UNC5D: variants seen among roughly 807,000 people sequenced by gnomAD.
The protein encoded by UNC5D is netrin receptor UNC5D.
Under a neutral mutation model 105.4 loss-of-function variants are expected in UNC5D, and 39 were observed. The ratio of observed to expected loss-of-function variants is 0.37; its 90% CI spans 0.29 to 0.48. The LOEUF (loss-of-function observed/expected upper bound fraction) is 0.48. Ranked by LOEUF, UNC5D falls within the 20% of genes least tolerant of loss-of-function variation. UNC5D has a pLI of 0.98. For synonymous variants in UNC5D, 452 were observed against 450.4 expected (o/e 1.00, Z -0.04); for missense variants, 991 against 1,202.4 (o/e 0.82, Z 2.60).
At chr8:35,679,569 G>A (rs1457859307) in intron 4 of UNC5D, among the ~76,000 whole-genome samples, 2 of 152,164 alleles carry the variant, frequency 1.3e-5, no homozygotes, top group Non-Finnish European at 2.9e-5. Context: ...GAGGGTGCTA[G>A]AACCCCCATA....
intron 8 of UNC5D, among the ~76,000 whole-genome samples, chr8:35,719,242 G>C (rs1828433604): frequency 6.6e-6 from 1 of 151,242 alleles, no homozygotes; most frequent in Non-Finnish European, 1.5e-5. Context: ...ACTAAACCTT[G>C]GGGCCAGTAC....
chr8:35,628,887 A>G (rs551745078), intron 4 of UNC5D, among the ~76,000 whole-genome samples: 51 of 152,282 alleles, frequency 3.3e-4, no homozygotes, highest in African/African-American at 1.1e-3. Context: ...TCAAATCTGG[A>G]TAAAATTATA....
At chr8:35,326,015 G>T (rs900211120) in intron 1 of UNC5D, among the ~76,000 whole-genome samples, 4 of 152,082 alleles carry the variant, frequency 2.6e-5, no homozygotes, top group Non-Finnish European at 5.9e-5. Context: ...TCTTTATTTT[G>T]TTCTGTCCTA....
rs748067628 is a variant in UNC5D, at chr8:35,709,204, A to G, written c.1117+3243A>G. On this transcript the variant is annotated intron_variant, in intron 8 of 16. Coordinates refer to ENST00000404895, the MANE Select transcript of UNC5D (RefSeq NM_080872.4). The stretch of plus-strand genomic sequence containing the variant: ...GTGTTCTGGGTGGTGGAGAATCAAC[A>G]CTGAGCAAAACACATACAGCTTCTC... Among the ~76,000 whole-genome samples the G allele has an allele frequency of 6.2e-4, 94 of 152,130 alleles. 1 individual carries two copies. Among genetic ancestry groups the G allele is most frequent in the Non-Finnish European group, 1.2e-3 (81 of 68,030 alleles).
chr8:35,421,189 A>C (rs1260512488), intron 1 of UNC5D, among the ~76,000 whole-genome samples: 2 of 152,174 alleles, frequency 1.3e-5, no homozygotes, highest in Non-Finnish European at 2.9e-5. Flanking sequence ...TCTCAAGAAC[A>C]CAGTAGGAGT....
At chr8:35,271,898 G>T (rs904782879) in intron 1 of UNC5D, among the ~76,000 whole-genome samples, 7 of 151,894 alleles carry the variant, frequency 4.6e-5, no homozygotes, top group African/African-American at 1.7e-4. Flanking sequence ...GAAATAAATT[G>T]CAGCCCTGAG....
chr8:35,623,142 C>G (rs1026628166), intron 4 of UNC5D, among the ~76,000 whole-genome samples: 1 of 152,054 alleles, frequency 6.6e-6, no homozygotes, highest in African/African-American at 2.4e-5. Flanking sequence ...CTCTGTCTCT[C>G]GGATGGTAAT....
At chr8:35,722,132 A>G (rs1163237453) in intron 8 of UNC5D, 78 bp from the exon 9 acceptor site, 1 of 1,516,730 alleles carries the variant, frequency 6.6e-7, no homozygotes, top group Non-Finnish European at 8.9e-7. Context: ...ATCCAATAGC[A>G]TTTCCTTTTG....
intron 4 of UNC5D, among the ~76,000 whole-genome samples, chr8:35,613,886 A>G (rs528930616): frequency 7.9e-5 from 12 of 152,262 alleles, no homozygotes; most frequent in African/African-American, 2.9e-4. Context: ...TTTGGTACCT[A>G]TGCCATCTCT....
intron 1 of UNC5D, among the ~76,000 whole-genome samples, chr8:35,356,393 C>T (rs1265155982): frequency 6.6e-6 from 1 of 152,126 alleles, no homozygotes; most frequent in Non-Finnish European, 1.5e-5. Flanking sequence ...GGGCATCCAA[C>T]TGGGTAGTAC....
intron 4 of UNC5D, among the ~76,000 whole-genome samples, chr8:35,646,063 G>C (rs1212539355): frequency 1.3e-5 from 2 of 152,070 alleles, no homozygotes; most frequent in Non-Finnish European, 2.9e-5. Context: ...CCAAAGAAAT[G>C]GATTAGAATA....
chr8:35,648,765 T>G (rs2131168776), intron 4 of UNC5D, among the ~76,000 whole-genome samples: 1 of 152,034 alleles, frequency 6.6e-6, no homozygotes, highest in Non-Finnish European at 1.5e-5. Context: ...GGAACAAAAT[T>G]TAAAGTGGCT....
At chr8:35,776,667 T>G (rs1802259871) in intron 16 of UNC5D, among the ~76,000 whole-genome samples, 1 of 152,198 alleles carries the variant, frequency 6.6e-6, no homozygotes, top group Non-Finnish European at 1.5e-5. Context: ...CAGGAAAATT[T>G]TTTTGACATA....
chr8:35,778,817 G>A (rs1478323035), intron 16 of UNC5D, among the ~76,000 whole-genome samples: 1 of 152,222 alleles, frequency 6.6e-6, no homozygotes, highest in Non-Finnish European at 1.5e-5. Context: ...AAATGTCACT[G>A]ATGATAATAT....
At chr8:35,623,253 G>A (rs1314271262) in intron 4 of UNC5D, among the ~76,000 whole-genome samples, 3 of 152,134 alleles carry the variant, frequency 2.0e-5, no homozygotes, top group East Asian at 1.9e-4. Flanking sequence ...CAATACATCC[G>A]GTGTGTCAAG....
intron 1 of UNC5D, among the ~76,000 whole-genome samples, chr8:35,441,326 T>A (rs1478240959): frequency 6.6e-6 from 1 of 151,972 alleles, no homozygotes; most frequent in East Asian, 1.9e-4. Context: ...ATTACAGTAT[T>A]GTTACAATTA....
At chr8:35,246,083 T>C (rs1266037064) in intron 1 of UNC5D, among the ~76,000 whole-genome samples, 2 of 152,154 alleles carry the variant, frequency 1.3e-5, no homozygotes, top group African/African-American at 4.8e-5. Context: ...GGCTAGAAAG[T>C]TCACAATTAT....
chr8:35,331,227 G>A (rs1810605936), intron 1 of UNC5D, among the ~76,000 whole-genome samples: 1 of 152,070 alleles, frequency 6.6e-6, no homozygotes, highest in African/African-American at 2.4e-5. Context: ...TATATTGGGG[G>A]GCCATTGGGC....
At chr8:35,666,784 G>A (rs1213797834) in intron 4 of UNC5D, among the ~76,000 whole-genome samples, 1 of 152,136 alleles carries the variant, frequency 6.6e-6, no homozygotes, top group East Asian at 1.9e-4. Flanking sequence ...AATTTGGTTA[G>A]TGAAATTGCA....
Sources: allele counts gnomAD v4.1 joint callset (sites outside exome capture counted in the v4.1 genomes callset), GRCh38; gene constraint gnomAD v4.1.1; transcripts MANE v1.5; gene names NCBI Gene and HGNC (gene_info 2026-07-23, HGNC 2026-07-21).